Variants in TMTC2 observed in about 807,000 individuals in gnomAD.
The protein encoded by TMTC2 is protein O-mannosyl-transferase TMTC2.
TMTC2 carries 43 observed loss-of-function variants against 82.4 expected under a neutral mutation model. That is an observed-to-expected ratio of 0.52 (90% CI 0.41 to 0.67). The LOEUF (loss-of-function observed/expected upper bound fraction) is 0.67. Among genes scored for constraint, TMTC2 ranks in the 30% least tolerant of loss-of-function variants. TMTC2 has a pLI of 0.00. For synonymous variants in TMTC2, 408 were observed against 381.9 expected, an observed-to-expected ratio of 1.07 and a Z score of -0.80; for missense variants, 919 against 1,012.4, an observed-to-expected ratio of 0.91 and a Z score of 1.25.
At chr12:82,887,705 T>A (rs577231501) in intron 2 of TMTC2, among the ~76,000 whole-genome samples, 10 of 152,358 alleles carry the variant, frequency 6.6e-5, no homozygotes, top group Admixed American at 2.6e-4. Context: ...TATTTTTGTT[T>A]ATCAGAAAAG....
At chr12:82,946,830 C>T (rs1217464065) in intron 4 of TMTC2, among the ~76,000 whole-genome samples, 1 of 151,570 alleles carries the variant, frequency 6.6e-6, no homozygotes, top group Non-Finnish European at 1.5e-5. Context: ...CAAGCTCCAC[C>T]TCCCGGGTTC....
intron 1 of TMTC2, among the ~76,000 whole-genome samples, chr12:82,774,219 GTATATGTGTA>G (rs1877464302): frequency 1.3e-5 from 2 of 152,052 alleles, no homozygotes; most frequent in Admixed American, 6.6e-5. Context: ...GTACACAAAT[GTATATGTGTA>G]TATATGTGTA....
chr12:83,038,788 T>C (rs1047740525), intron 9 of TMTC2, among the ~76,000 whole-genome samples: 3 of 152,176 alleles, frequency 2.0e-5, no homozygotes, highest in Non-Finnish European at 2.9e-5. Flanking sequence ...AATGGATGTA[T>C]TAGCTTTTTA....
chr12:83,119,688 G>A (rs1394969953), intron 11 of TMTC2, among the ~76,000 whole-genome samples: 2 of 152,098 alleles, frequency 1.3e-5, no homozygotes, highest in Non-Finnish European at 2.9e-5. Flanking sequence ...TAAATCCATT[G>A]TTTCTTCATT....
intron 3 of TMTC2, among the ~76,000 whole-genome samples, chr12:82,910,093 T>C (rs183881862): frequency 6.6e-6 from 1 of 152,312 alleles, no homozygotes; most frequent in East Asian, 1.9e-4. Context: ...AGTTTTAGCC[T>C]TATCACGCAC....
intron 1 of TMTC2, among the ~76,000 whole-genome samples, chr12:82,704,439 C>T (rs1873245159): frequency 6.6e-6 from 1 of 151,970 alleles, no homozygotes; most frequent in Non-Finnish European, 1.5e-5. Context: ...AGAGTAAATA[C>T]ATCGAATGTA....
chr12:82,937,923 T>TTTA (rs1876485730), intron 4 of TMTC2, among the ~76,000 whole-genome samples: 1 of 56,340 alleles, frequency 1.8e-5, no homozygotes, highest in African/African-American at 6.3e-5. Flanking sequence ...TTTTTTTTTA[T>TTTA]TTTTTTTTTT....
rs142118748 is a variant in TMTC2 at position 82,807,790 on chromosome 12, A to G, written c.84-49220A>G. Among the ~76,000 whole-genome samples, 179 of 152,170 alleles carry G rather than the reference A, an allele frequency of 1.2e-3. 1 individual carries two copies. In the Middle Eastern group the frequency reaches 0.02, roughly 17 times the overall value. ...CTACAATAGGTGATGGAGCCATCCTAATAGATAGATTTGAGATTTAGACTG... is the reference window on the plus strand; with the variant it reads ...CTACAATAGGTGATGGAGCCATCCTGATAGATAGATTTGAGATTTAGACTG... On this transcript the variant is annotated intron_variant, in intron 1 of 11. Transcript: ENST00000321196.
At chr12:82,953,112 C>G (rs1877433526) in intron 4 of TMTC2, among the ~76,000 whole-genome samples, 1 of 152,154 alleles carries the variant, frequency 6.6e-6, no homozygotes, top group Admixed American at 6.5e-5. Flanking sequence ...CTACCTCCCT[C>G]AACACAGGAC....
At chr12:82,903,678 G>A (rs558836947) in intron 3 of TMTC2, among the ~76,000 whole-genome samples, 1 of 152,308 alleles carries the variant, frequency 6.6e-6, no homozygotes, top group East Asian at 1.9e-4. Flanking sequence ...CTCCCAAAGT[G>A]CCGGGATTAC....
intron 10 of TMTC2, among the ~76,000 whole-genome samples, chr12:83,060,880 A>G (rs1291487526): frequency 6.6e-6 from 1 of 151,752 alleles, no homozygotes; most frequent in Non-Finnish European, 1.5e-5. Context: ...CTGTCTGTAA[A>G]TTTCAGTGCA....
chr12:83,045,707 T>TCA (rs143555229), intron 9 of TMTC2, among the ~76,000 whole-genome samples: 6,308 of 122,672 alleles, frequency 0.051, 276 homozygotes, highest in Middle Eastern at 0.12. Flanking sequence ...AAGGGCTCCT[T>TCA]CACACACACA....
chr12:82,808,585 T>C (rs1879346925), intron 1 of TMTC2, among the ~76,000 whole-genome samples: 1 of 152,220 alleles, frequency 6.6e-6, no homozygotes, highest in African/African-American at 2.4e-5. Context: ...TTCATCTGTT[T>C]ATTATTCAGA....
chr12:82,921,342 C>T (rs1875381724), intron 3 of TMTC2, among the ~76,000 whole-genome samples: 1 of 152,132 alleles, frequency 6.6e-6, no homozygotes, highest in Admixed American at 6.5e-5. Flanking sequence ...TCAGTTTTCT[C>T]ATCTGTGAAA....
At chr12:82,909,408 C>T (rs1198483113) in intron 3 of TMTC2, among the ~76,000 whole-genome samples, 2 of 152,078 alleles carry the variant, frequency 1.3e-5, no homozygotes, top group East Asian at 1.9e-4. Flanking sequence ...GGTGCGATCT[C>T]GGATCACTGC....
chr12:82,878,069 C>A (rs1333734408), intron 2 of TMTC2, among the ~76,000 whole-genome samples: 2 of 152,192 alleles, frequency 1.3e-5, no homozygotes, highest in African/African-American at 2.4e-5. Flanking sequence ...CCAGCCTGTT[C>A]TCTTGGTTCA....
chr12:82,990,114 T>C (rs1004169964), intron 8 of TMTC2, among the ~76,000 whole-genome samples: 9 of 152,188 alleles, frequency 5.9e-5, no homozygotes, highest in African/African-American at 2.2e-4. Context: ...TTTAAATATA[T>C]TATAAAATGG....
intron 9 of TMTC2, among the ~76,000 whole-genome samples, chr12:83,031,117 T>TG (rs1399577407): frequency 2.0e-5 from 3 of 151,820 alleles, no homozygotes; most frequent in African/African-American, 7.3e-5. Flanking sequence ...TACACAGTTG[T>TG]TTTTTTTCAA....
At chr12:83,018,660 C>T (rs982532209) in intron 8 of TMTC2, among the ~76,000 whole-genome samples, 4 of 63,612 alleles carry the variant, frequency 6.3e-5, no homozygotes, top group South Asian at 9.7e-4. Context: ...ATAAAATTTG[C>T]GGGTTTTTTT....
Sources: allele counts gnomAD v4.1 joint callset (sites outside exome capture counted in the v4.1 genomes callset), GRCh38; gene constraint gnomAD v4.1.1; transcripts MANE v1.5; gene names NCBI Gene and HGNC (gene_info 2026-07-23, HGNC 2026-07-21).